Variants in TMC1 observed in about 807,000 individuals in gnomAD.
TMC1 encodes transmembrane channel-like protein 1.
TMC1 carries 84 observed loss-of-function variants against 105.8 expected under a neutral mutation model. The observed-to-expected ratio is 0.79, with a 90% confidence interval of 0.67 to 0.95. TMC1 has a LOEUF of 0.95. Ranked by LOEUF, TMC1 falls within the 40% of genes least tolerant of loss-of-function variation. The pLI is 0.00. For missense variants in TMC1, 817 were observed against 914.1 expected (o/e 0.89, Z 1.37); for synonymous variants, 315 against 311.5 (o/e 1.01, Z -0.12).
At chr9:72,768,530 T>C (rs917534996) in intron 12 of TMC1, among the ~76,000 whole-genome samples, 8 of 152,224 alleles carry the variant, frequency 5.3e-5, no homozygotes, top group Non-Finnish European at 8.8e-5. Context: ...CATTCATTTA[T>C]AGATTTGACT....
rs187189939 is a variant in TMC1, at chr9:72,788,253, C to T, written c.885-86C>T. The T allele has an allele frequency of 1.8e-5, 26 of 1,427,078 alleles. No homozygotes were observed. The East Asian group carries it at 4.8e-4, about 26-fold the overall frequency. The allele number at this position is 1,427,078 out of a possible 1,614,324, so 88.4% of individuals were successfully genotyped here. A position where few individuals can be genotyped will look rare whatever the true frequency, so the allele number is the denominator to read the frequency against. ...ATATGTCTTTTTGCTATTGCTTCTC[C>T]ACTTCAACACTCATGATCATGTTTT... On this transcript the variant is annotated intron_variant, in intron 13 of 23. Coordinates refer to ENST00000297784, the MANE Select transcript of TMC1 (RefSeq NM_138691.3).
chr9:72,652,592 T>C (rs79121944), intron 5 of TMC1, among the ~76,000 whole-genome samples: 6,631 of 152,216 alleles, frequency 0.044, 302 homozygotes, highest in African/African-American at 0.11. Context: ...TGCAAAGAAA[T>C]AACCTGCAAT....
intron 1 of TMC1, among the ~76,000 whole-genome samples, chr9:72,534,310 G>T (rs982864759): frequency 1.3e-5 from 2 of 152,056 alleles, no homozygotes; most frequent in Non-Finnish European, 2.9e-5. Context: ...CTATGGTTGT[G>T]GGGTAGGGCC....
At chr9:72,639,746 CTTAA>C (rs1047157404) in intron 4 of TMC1, among the ~76,000 whole-genome samples, 33 of 152,226 alleles carry the variant, frequency 2.2e-4, no homozygotes, top group African/African-American at 7.2e-4. Context: ...ATTATCCTTT[CTTAA>C]TTAAATAAGA....
chr9:72,604,071 G>T (rs900775214), intron 2 of TMC1, among the ~76,000 whole-genome samples: 7 of 151,860 alleles, frequency 4.6e-5, no homozygotes, highest in African/African-American at 1.4e-4. Flanking sequence ...TCACCATGTT[G>T]GTGTTGTATT....
intron 13 of TMC1, among the ~76,000 whole-genome samples, chr9:72,783,385 G>A (rs1828123272): frequency 6.6e-6 from 1 of 152,190 alleles, no homozygotes; most frequent in Non-Finnish European, 1.5e-5. Flanking sequence ...AGATGCTGAA[G>A]AACCTGGAGT....
intron 17 of TMC1, among the ~76,000 whole-genome samples, chr9:72,797,538 A>G (rs937254471): frequency 7.9e-5 from 12 of 152,202 alleles, no homozygotes; most frequent in African/African-American, 2.7e-4. Context: ...CCAATGGAAC[A>G]GAATAGATAA....
intron 1 of TMC1, among the ~76,000 whole-genome samples, chr9:72,559,705 A>G (rs896316228): frequency 1.7e-4 from 26 of 152,342 alleles, no homozygotes; most frequent in African/African-American, 6.3e-4. Context: ...AAAACGTGGT[A>G]TCATGGTGGT....
At chr9:72,587,994 G>A (rs1032661815) in intron 2 of TMC1, among the ~76,000 whole-genome samples, 15 of 151,988 alleles carry the variant, frequency 9.9e-5, no homozygotes, top group African/African-American at 3.1e-4. Flanking sequence ...TCACCATGTT[G>A]GCCAGGCTGG....
chr9:72,630,248 G>A (rs140299719), intron 4 of TMC1, among the ~76,000 whole-genome samples: 1 of 152,096 alleles, frequency 6.6e-6, no homozygotes, highest in African/African-American at 2.4e-5. Flanking sequence ...ACAATTACAT[G>A]TTAAAACTAG....
chr9:72,740,266 G>A (rs1027717500), intron 9 of TMC1, 57 bp downstream of exon 9: 12 of 1,482,382 alleles, frequency 8.1e-6, no homozygotes, highest in African/African-American at 4.2e-5. Flanking sequence ...AAGAACACTG[G>A]TTCTTTTCTA....
At chr9:72,663,626 C>T (rs1008202475) in intron 5 of TMC1, among the ~76,000 whole-genome samples, 1 of 152,082 alleles carries the variant, frequency 6.6e-6, no homozygotes, top group Non-Finnish European at 1.5e-5. Context: ...ATAATTTTGT[C>T]ACTGTTAACG....
intron 8 of TMC1, among the ~76,000 whole-genome samples, chr9:72,701,994 C>T (rs1236076279): frequency 6.6e-6 from 1 of 152,158 alleles, no homozygotes; most frequent in Non-Finnish European, 1.5e-5. Flanking sequence ...TTTGTGTATG[C>T]ATGCTCATGT....
chr9:72,558,589 T>C (rs1823985203), intron 1 of TMC1, among the ~76,000 whole-genome samples: 1 of 152,186 alleles, frequency 6.6e-6, no homozygotes, highest in Admixed American at 6.5e-5. Context: ...TCTAATCTGT[T>C]ACCACTTGCC....
intron 8 of TMC1, among the ~76,000 whole-genome samples, chr9:72,714,353 T>A (rs912839448): frequency 5.9e-5 from 9 of 152,184 alleles, no homozygotes; most frequent in African/African-American, 2.2e-4. Flanking sequence ...TGTCTAATAT[T>A]GACAGTGGGG....
chr9:72,583,049 T>G (rs1488212564), intron 2 of TMC1, among the ~76,000 whole-genome samples: 1 of 152,040 alleles, frequency 6.6e-6, no homozygotes, highest in Non-Finnish European at 1.5e-5. Flanking sequence ...GGTGAAACAC[T>G]GTCTCTACTA....
intron 1 of TMC1, among the ~76,000 whole-genome samples, chr9:72,542,345 C>G (rs936029636): frequency 6.6e-6 from 1 of 152,108 alleles, no homozygotes; most frequent in Non-Finnish European, 1.5e-5. Context: ...CCTGAAGTCC[C>G]AGCTACTTGG....
At chr9:72,792,837 C>T (rs1828297786) in intron 17 of TMC1, among the ~76,000 whole-genome samples, 2 of 152,088 alleles carry the variant, frequency 1.3e-5, no homozygotes, top group South Asian at 4.2e-4. Flanking sequence ...GTAAATATAG[C>T]ACCTTCAACC....
intron 19 of TMC1, among the ~76,000 whole-genome samples, chr9:72,819,731 G>T (rs17641324): frequency 6.6e-6 from 1 of 152,030 alleles, no homozygotes; most frequent in Non-Finnish European, 1.5e-5. Flanking sequence ...CCAAATTTAC[G>T]TTGGATTGGC....
Sources: gnomAD v4.1 joint callset for allele counts (sites outside exome capture counted in the v4.1 genomes callset) on GRCh38, gnomAD v4.1.1 for gene constraint, MANE v1.5 for transcripts, NCBI Gene and HGNC (gene_info 2026-07-23, HGNC 2026-07-21) for gene names.